RFPL2: variants seen among roughly 807,000 people sequenced by gnomAD.
RFPL2 encodes ret finger protein-like 2.
RFPL2 carries 13 observed loss-of-function variants against 17.8 expected under a neutral mutation model. The ratio of observed to expected loss-of-function variants is 0.73; its 90% confidence interval spans 0.47 to 1.16. The LOEUF (loss-of-function observed/expected upper bound fraction) is 1.16, where lower values mean the gene tolerates loss of function less well. RFPL2 is among the 50% of genes most tolerant of loss of function. The pLI is 0.00. For synonymous variants in RFPL2, 189 were observed against 180.9 expected, an observed-to-expected ratio of 1.04 and a Z score of -0.36; for missense variants, 431 against 479.3, an observed-to-expected ratio of 0.90 and a Z score of 0.94.
chr22:32,199,174 G>T (rs1923664050), intron 2 of RFPL2, among the ~76,000 whole-genome samples: 5 of 152,230 alleles, frequency 3.3e-5, no homozygotes, highest in Admixed American at 2.6e-4. Context: ...CTCTGTGCTG[G>T]CCTGGGACTC....
At chr22:32,203,681 C>A (rs1039554348) in intron 1 of RFPL2, among the ~76,000 whole-genome samples, 1 of 151,486 alleles carries the variant, frequency 6.6e-6, no homozygotes, top group Admixed American at 6.6e-5. Context: ...CAGCCCCCAG[C>A]CATGGGGAGT....
intron 2 of RFPL2, among the ~76,000 whole-genome samples, chr22:32,195,103 C>T (rs970118873): frequency 4.6e-5 from 7 of 152,150 alleles, no homozygotes; most frequent in South Asian, 2.1e-4. Context: ...CGAATCTTTT[C>T]GTCTTCATGC....
Position 32,192,946 on chromosome 22 carries a change from A to G in RFPL2, c.512T>C (p.Leu171Pro), listed in dbSNP as rs776934711. Residue 171 changes from leucine (L) to proline (P), a missense_variant, in exon 4 of 5, where the codon CTG becomes CCG. Transcript: ENST00000652607. ...TGGGTTCATCTGCAGAATCTTCTTCAGCTTGGGCTCCAGTTCCTTGATGTG... is the reference window on the plus strand; with the variant it reads ...TGGGTTCATCTGCAGAATCTTCTTCGGCTTGGGCTCCAGTTCCTTGATGTG... Reference protein sequence around the residue: ...ASHIKELEPKLKKILQMNPRM... With the variant: ...ASHIKELEPKPKKILQMNPRM... The G allele has an allele frequency of 1.2e-6, 2 of 1,614,088 alleles. No homozygotes were observed. Among genetic ancestry groups the G allele is most frequent in the East Asian group, 4.5e-5 (2 of 44,878 alleles).
intron 4 of RFPL2, among the ~76,000 whole-genome samples, chr22:32,192,175 G>T (rs1922730857): frequency 6.6e-6 from 1 of 152,154 alleles, no homozygotes; most frequent in South Asian, 2.1e-4. Context: ...AGAGATCGTG[G>T]GTGTCAGGGC....
Position 32,194,104 on chromosome 22 carries a change from AT to A in RFPL2, c.265+240del, listed in dbSNP as rs1472152588. ...ACCCGTCTCACCAAAAAATAAAAAAATAAAAAAATAAAAAAAATTACATCCT... is the reference window on the plus strand; with the variant it reads ...ACCCGTCTCACCAAAAAATAAAAAAAAAAAAAATAAAAAAAATTACATCCT... On this transcript the variant is annotated intron_variant, in intron 3 of 4. Transcript: ENST00000652607. Among the ~76,000 whole-genome samples the A allele has an allele frequency of 3.3e-5, 5 of 152,232 alleles. No individual in the cohort carries two copies. The South Asian group carries it at 6.2e-4, about 19-fold the overall frequency.
In RFPL2 at chr22:32,191,243, C is replaced by G. The variant is rs1165552017; in HGVS notation, c.666G>C (p.Glu222Asp). ...GGATGCAAACGGACACGTCAAATCTCTCGGCAAGGTCTTGCCGATTCTGTC... is the reference window on the plus strand; with the variant it reads ...GGATGCAAACGGACACGTCAAATCTGTCGGCAAGGTCTTGCCGATTCTGTC... ...RIRQNRQDLAERFDVSVCILG... is the reference protein window; with the variant it reads ...RIRQNRQDLADRFDVSVCILG... Residue 222 changes from glutamate to aspartate, a missense_variant, in exon 5 of 5, where the codon GAG becomes GAC. Glu to Asp is a conservative substitution (Grantham distance 45). Coordinates refer to ENST00000652607, the MANE Select transcript of RFPL2 (RefSeq NM_001394555.1). 1 of 1,613,858 alleles carries G rather than the reference C, an allele frequency of 6.2e-7. No individual in the cohort carries two copies. The highest frequency in any genetic ancestry group is 1.3e-5 in the African/African-American group (1 of 74,912).
chr22:32,193,126 G>T lies in RFPL2; in HGVS notation c.332C>A (p.Pro111Gln), dbSNP rs1922888592. ...CPVCSDYLEK[P>Q]MSLECGCAVC... Reference sequence around the variant, plus strand: ...GGCGCATCCACACTCCAGGGACATTGGTTTTTCCAGATAGTCTGAGCAGAC... The same window carrying T: ...GGCGCATCCACACTCCAGGGACATTTGTTTTTCCAGATAGTCTGAGCAGAC... Residue 111 changes from proline to glutamine, a missense_variant, in exon 4 of 5, where the codon CCA (proline) becomes CAA (glutamine). Physicochemically the swap from Pro to Gln is moderately conservative, Grantham distance 76. Transcript: ENST00000652607. 6.2e-7 allele frequency: 1 copy of T among 1,613,906 alleles called. No homozygotes were observed. The highest frequency in any genetic ancestry group is 8.5e-7 in the Non-Finnish European group (1 of 1,179,840).
At chr22:32,202,590 T>C (rs1924048471) in intron 1 of RFPL2, 40 bp from the exon 2 acceptor site, 3 of 1,440,216 alleles carry the variant, frequency 2.1e-6, no homozygotes, top group Middle Eastern at 2.5e-4. Flanking sequence ...GAGCGCACCT[T>C]GTCATGCTGG....
intron 2 of RFPL2, among the ~76,000 whole-genome samples, chr22:32,202,045 G>T (rs562868172): frequency 6.6e-6 from 1 of 152,136 alleles, no homozygotes; most frequent in African/African-American, 2.4e-5. Context: ...GGCTCCTTCC[G>T]GGGGCTCTGA....
At chr22:32,201,306 G>A (rs961164804) in intron 2 of RFPL2, among the ~76,000 whole-genome samples, 2 of 152,150 alleles carry the variant, frequency 1.3e-5, no homozygotes, top group Non-Finnish European at 2.9e-5. Flanking sequence ...CCAAAGTGCT[G>A]GGATTACAGG....
chr22:32,190,975 T>C lies in RFPL2; in HGVS notation c.934A>G (p.Met312Val), dbSNP rs1922540057. 2.5e-6 allele frequency: 4 copies of C among 1,610,064 alleles called. No homozygotes were observed. Among genetic ancestry groups the C allele is most frequent in the South Asian group, 1.1e-5 (1 of 90,690 alleles). Residue 312 changes from methionine to valine, a missense_variant, in exon 5 of 5, where the codon ATG (methionine) becomes GTG (valine). Physicochemically the swap from Met to Val is conservative, Grantham distance 21. Transcript: ENST00000652607. Reference protein sequence around the residue: ...KLQRVGIFLDMGMQNVSFFDA... With the variant: ...KLQRVGIFLDVGMQNVSFFDA... ...AAAAAGGAAACGTTCTGCATGCCCA[T>C]ATCCAGAAAAATCCCCACTCGCTGT...
chr22:32,193,482 C>T (rs1353769318), intron 3 of RFPL2: 3 of 1,433,484 alleles, frequency 2.1e-6, no homozygotes, highest in South Asian at 1.5e-5. Context: ...GACATGGCAG[C>T]ACCCATGTGA....
chr22:32,190,877 C>T lies in RFPL2; in HGVS notation c.1032G>A (p.Leu344=), dbSNP rs1351395570. Residue 344 remains leucine (L), a synonymous_variant, in exon 5 of 5, where the codon TTG becomes TTA. Transcript: ENST00000652607. ...VSAEEPLRPF[L]APSVPPNGDQ... ...CACCATTAGGTGGAACTGAAGGAGCCAAAAATGGGCGCAATGGCTCCTCAG... is the reference window on the plus strand; with the variant it reads ...CACCATTAGGTGGAACTGAAGGAGCTAAAAATGGGCGCAATGGCTCCTCAG... 5.0e-6 allele frequency: 8 copies of T among 1,592,176 alleles called. No homozygotes were observed. The highest frequency in any genetic ancestry group is 6.8e-6 in the Non-Finnish European group (8 of 1,168,810).
intron 2 of RFPL2, among the ~76,000 whole-genome samples, chr22:32,195,274 T>C (rs189903958): frequency 1.5e-4 from 23 of 152,364 alleles, no homozygotes; most frequent in African/African-American, 5.0e-4. Flanking sequence ...TAAATATGAT[T>C]CCTCATGGGA....
rs1222466832 is a variant in RFPL2 at position 32,191,287 on chromosome 22, C to T, written c.622G>A (p.Val208Ile). 1.2e-5 allele frequency: 20 copies of T among 1,613,938 alleles called. No individual in the cohort carries two copies. Among genetic ancestry groups the T allele is most frequent in the East Asian group, 2.2e-5 (1 of 44,872 alleles). ...TTCTGTCTGATGCGCCCACTTCGGA[C>T]GCTCCTGAGGTCGTCAGAAATGAGG... ...FLLISDDLRSVRSGRIRQNRQ... is the reference protein window; with the variant it reads ...FLLISDDLRSIRSGRIRQNRQ... Residue 208 changes from valine (V) to isoleucine (I), a missense_variant, in exon 5 of 5, where the codon GTC (valine) becomes ATC (isoleucine). Coordinates refer to ENST00000652607, the MANE Select transcript of RFPL2 (RefSeq NM_001394555.1).
chr22:32,191,851 C>T (rs576157814), intron 4 of RFPL2, among the ~76,000 whole-genome samples: 7 of 151,376 alleles, frequency 4.6e-5, no homozygotes, highest in East Asian at 3.9e-4. Flanking sequence ...CTGCAGCTGA[C>T]GGTGTGATGA....
chr22:32,198,802 G>A (rs964448889), intron 2 of RFPL2, among the ~76,000 whole-genome samples: 19 of 151,454 alleles, frequency 1.3e-4, no homozygotes, highest in African/African-American at 4.6e-4. Context: ...CAGAGGTACG[G>A]CACTAGGCCG....
chr22:32,197,599 A>G (rs1350735142), intron 2 of RFPL2, among the ~76,000 whole-genome samples: 2 of 151,426 alleles, frequency 1.3e-5, no homozygotes, highest in Non-Finnish European at 2.9e-5. Context: ...GATGTTCCCC[A>G]CCCTGTGTCC....
At position 32,190,909 on chromosome 22, in the gene RFPL2, C is replaced by T. The variant is rs1278625212; in HGVS notation, c.1000G>A (p.Val334Ile). The T allele has an allele frequency of 6.2e-6, 10 of 1,601,056 alleles. No individual in the cohort carries two copies. The highest frequency in any genetic ancestry group is 8.5e-6 in the Non-Finnish European group (10 of 1,172,900). Residue 334 changes from valine to isoleucine, a missense_variant, in exon 5 of 5, where the codon GTA becomes ATA. By Grantham distance (29) the Val-to-Ile change is conservative. Coordinates refer to ENST00000652607, the MANE Select transcript of RFPL2 (RefSeq NM_001394555.1). ...GGGCGCAATGGCTCCTCAGCAGATA[C>T]GCTCCTGAATGTATAGACATGGGAA... ...SGSHVYTFRS[V>I]SAEEPLRPFL...
Sources: gnomAD v4.1 joint callset for allele counts (sites outside exome capture counted in the v4.1 genomes callset) on GRCh38, gnomAD v4.1.1 for gene constraint, MANE v1.5 for transcripts, NCBI Gene and HGNC (gene_info 2026-07-23, HGNC 2026-07-21) for gene names.